The following PPP2R2C variants were observed in gnomAD, a reference collection of about 807,000 sequenced individuals.
The protein encoded by PPP2R2C is protein phosphatase 2, regulatory subunit B, gamma.
A neutral mutation model predicts 45.3 loss-of-function variants in PPP2R2C; 10 were observed. The ratio of observed to expected loss-of-function variants is 0.22; its 90% CI spans 0.14 to 0.37. The LOEUF (loss-of-function observed/expected upper bound fraction) is 0.37, where lower values mean the gene tolerates loss of function less well. Among genes scored for constraint, PPP2R2C ranks in the 10% least tolerant of loss-of-function variants. The probability of loss-of-function intolerance (pLI) is 1.00; values close to 1 mark genes in which losing one functional copy is unlikely to be tolerated. For missense variants in PPP2R2C, 308 were observed against 619.7 expected, an observed-to-expected ratio of 0.50 and a Z score of 5.34; for synonymous variants, 257 against 245.4, an observed-to-expected ratio of 1.05 and a Z score of -0.44.
intron 1 of PPP2R2C, among the ~76,000 whole-genome samples, chr4:6,466,372 T>C (rs1032459550): frequency 5.9e-5 from 9 of 152,214 alleles, no homozygotes; most frequent in African/African-American, 2.2e-4. Flanking sequence ...CACAGGTCCT[T>C]CTGAGTGTGG....
intron 1 of PPP2R2C, among the ~76,000 whole-genome samples, chr4:6,427,626 C>T (rs1250094441): frequency 6.6e-6 from 1 of 152,232 alleles, no homozygotes. Flanking sequence ...CCTTTCCAGA[C>T]ACCTCACTTG....
chr4:6,511,510 G>A (rs1327249152), intron 2 of PPP2R2C, among the ~76,000 whole-genome samples: 5 of 27,902 alleles, frequency 1.8e-4, no homozygotes, highest in Non-Finnish European at 1.9e-4. Context: ...GGTGATGGTG[G>A]TGGTGGTGGT....
intron 1 of PPP2R2C, among the ~76,000 whole-genome samples, chr4:6,441,608 T>C (rs1720157650): frequency 6.6e-6 from 1 of 152,162 alleles, no homozygotes; most frequent in Non-Finnish European, 1.5e-5. Flanking sequence ...TCTGTACGTG[T>C]CACCTGCAGG....
intron 2 of PPP2R2C, among the ~76,000 whole-genome samples, chr4:6,497,452 A>T (rs2108791267): frequency 6.6e-6 from 1 of 152,300 alleles, no homozygotes; most frequent in African/African-American, 2.4e-5. Flanking sequence ...TGGTGCTGGG[A>T]GATTGTTTTC....
chr4:6,449,946 AC>A (rs1720647506), intron 1 of PPP2R2C, among the ~76,000 whole-genome samples: 1 of 151,800 alleles, frequency 6.6e-6, no homozygotes, highest in Admixed American at 6.6e-5. Context: ...CTTCGGCGCC[AC>A]CTCCTCTCCA....
At chr4:6,402,919 G>A (rs947378254) in intron 1 of PPP2R2C, among the ~76,000 whole-genome samples, 3 of 152,184 alleles carry the variant, frequency 2.0e-5, no homozygotes, top group African/African-American at 4.8e-5. Context: ...TCAACTGCCC[G>A]CCCTCTGCAA....
intron 5 of PPP2R2C, among the ~76,000 whole-genome samples, chr4:6,363,064 G>A (rs896709011): frequency 2.6e-5 from 4 of 152,176 alleles, no homozygotes; most frequent in Admixed American, 6.5e-5. Flanking sequence ...AGTGGGGTGG[G>A]AGGTGGAGAT....
At chr4:6,534,694 C>A (rs999117876) in intron 2 of PPP2R2C, among the ~76,000 whole-genome samples, 15 of 152,158 alleles carry the variant, frequency 9.9e-5, no homozygotes, top group African/African-American at 3.1e-4. Context: ...CACGCACGGC[C>A]CGCACACTCC....
At chr4:6,382,553 G>A in intron 1 of PPP2R2C, 3 of 1,339,940 alleles carry the variant, frequency 2.2e-6, no homozygotes, top group Non-Finnish European at 2.0e-6. Context: ...ATCCTCTGCA[G>A]CTTCCCCAGT....
upstream of PPP2R2C, among the ~76,000 whole-genome samples, chr4:6,474,143 C>T (rs1158658228): frequency 6.6e-6 from 1 of 151,890 alleles, no homozygotes; most frequent in Non-Finnish European, 1.5e-5. Context: ...CCACATTGGC[C>T]CCCACCCACC....
chr4:6,381,598 C>G (rs992638515), intron 1 of PPP2R2C: 1 of 1,459,428 alleles, frequency 6.9e-7, no homozygotes, highest in African/African-American at 1.4e-5. Flanking sequence ...GAATTACCCC[C>G]TCTCCTTCAG....
At chr4:6,415,090 G>A (rs1466173393) in intron 1 of PPP2R2C, among the ~76,000 whole-genome samples, 7 of 152,230 alleles carry the variant, frequency 4.6e-5, no homozygotes, top group African/African-American at 1.7e-4. Context: ...AAAAGGCCCC[G>A]TCCTCCCACA....
chr4:6,489,860 G>T lies in PPP2R2C; in HGVS notation c.49+45411C>A, dbSNP rs11946417. ...TGAATTAATTGCATCCACTATTTTC[G>T]AACTTAATACCAAAGAGAAATGGAT... On this transcript the variant is annotated intron_variant, in intron 2 of 9. Coordinates refer to the PPP2R2C transcript ENST00000506140. Among the ~76,000 whole-genome samples the T allele has an allele frequency of 2.4e-4, 37 of 152,130 alleles. 1 individual carries two copies. Among genetic ancestry groups the T allele is most frequent in the African/African-American group, 8.4e-4 (35 of 41,482 alleles).
At chr4:6,438,095 T>C (rs1719979876) in intron 1 of PPP2R2C, among the ~76,000 whole-genome samples, 1 of 152,224 alleles carries the variant, frequency 6.6e-6, no homozygotes, top group South Asian at 2.1e-4. Flanking sequence ...TCCTTTTTCA[T>C]ATCAGGCAAC....
chr4:6,375,118 T>G (rs984027859), intron 4 of PPP2R2C, among the ~76,000 whole-genome samples: 1 of 152,100 alleles, frequency 6.6e-6, no homozygotes, highest in Admixed American at 6.5e-5. Flanking sequence ...TAAACTTTCT[T>G]GGGACGGGGG....
At chr4:6,357,388 A>T (rs1713303223) in intron 5 of PPP2R2C, among the ~76,000 whole-genome samples, 2 of 152,196 alleles carry the variant, frequency 1.3e-5, no homozygotes, top group Admixed American at 6.5e-5. Context: ...TTTTCTGCAA[A>T]GAGTCAGAGA....
intron 1 of PPP2R2C, among the ~76,000 whole-genome samples, chr4:6,547,474 G>C (rs1725024308): frequency 6.6e-6 from 1 of 151,916 alleles, no homozygotes; most frequent in Non-Finnish European, 1.5e-5. Context: ...CTGGACACTG[G>C]GTGCCTTCTG....
intron 2 of PPP2R2C, among the ~76,000 whole-genome samples, chr4:6,506,594 C>G (rs1263015791): frequency 1.3e-5 from 2 of 152,182 alleles, no homozygotes; most frequent in East Asian, 3.8e-4. Flanking sequence ...TTTCAGGACA[C>G]AGGAGATAGG....
intron 1 of PPP2R2C, among the ~76,000 whole-genome samples, chr4:6,536,827 G>A (rs1395938525): frequency 6.6e-6 from 1 of 152,242 alleles, no homozygotes; most frequent in African/African-American, 2.4e-5. Flanking sequence ...TGGACCTGGG[G>A]AAATAAGACA....
Sources: gnomAD v4.1 joint callset for allele counts (sites outside exome capture counted in the v4.1 genomes callset) on GRCh38, gnomAD v4.1.1 for gene constraint, MANE v1.5 for transcripts, NCBI Gene and HGNC (gene_info 2026-07-23, HGNC 2026-07-21) for gene names.